PLA2G4A: variants seen among roughly 807,000 people sequenced by gnomAD.
The protein encoded by PLA2G4A is cytosolic phospholipase A2.
PLA2G4A carries 40 observed loss-of-function variants against 81.9 expected under a neutral mutation model. The ratio of observed to expected loss-of-function variants is 0.49; its 90% CI spans 0.38 to 0.64. The LOEUF (loss-of-function observed/expected upper bound fraction) is 0.64. Ranked by LOEUF, PLA2G4A falls within the 30% of genes least tolerant of loss-of-function variation. The pLI is 0.00. For synonymous variants in PLA2G4A, 302 were observed against 296.9 expected (o/e 1.02, Z -0.18); for missense variants, 715 against 905.1 (o/e 0.79, Z 2.69).
chr1:186,906,827 C>G, intron 5 of PLA2G4A, 138 bp from the exon 6 acceptor site: 1 of 584,904 alleles, frequency 1.7e-6, no homozygotes, highest in Non-Finnish European at 3.1e-6. Context: ...CTTCATGGAG[C>G]TGTGTTACTT....
At chr1:186,959,070 T>A (rs1290252688) in intron 14 of PLA2G4A, among the ~76,000 whole-genome samples, 1 of 152,160 alleles carries the variant, frequency 6.6e-6, no homozygotes, top group Non-Finnish European at 1.5e-5. Context: ...TTAGAAAGTT[T>A]CAGTGAGAAA....
chr1:186,853,644 G>T (rs1041786990), intron 1 of PLA2G4A, among the ~76,000 whole-genome samples: 9 of 151,834 alleles, frequency 5.9e-5, no homozygotes, highest in African/African-American at 2.2e-4. Context: ...GAATAGCAAA[G>T]ATGTTCATTC....
intron 7 of PLA2G4A, among the ~76,000 whole-genome samples, chr1:186,928,025 G>C (rs1655611922): frequency 1.3e-5 from 2 of 152,164 alleles, no homozygotes; most frequent in Admixed American, 1.3e-4. Context: ...AACATGAACT[G>C]AGCAGGCCTG....
chr1:186,982,798 G>T (rs1460408897), intron 17 of PLA2G4A, among the ~76,000 whole-genome samples: 1 of 152,026 alleles, frequency 6.6e-6, no homozygotes, highest in Non-Finnish European at 1.5e-5. Flanking sequence ...CATTTTTGGG[G>T]CCGGGCGCCG....
chr1:186,952,653 T>A (rs1167955876), intron 13 of PLA2G4A, among the ~76,000 whole-genome samples: 1 of 152,192 alleles, frequency 6.6e-6, no homozygotes, highest in African/African-American at 2.4e-5. Flanking sequence ...CATATATTCA[T>A]CATTATACAT....
intron 13 of PLA2G4A, among the ~76,000 whole-genome samples, chr1:186,954,415 A>AACATC (rs1232402539): frequency 6.6e-6 from 1 of 152,094 alleles, no homozygotes; most frequent in Non-Finnish European, 1.5e-5. Flanking sequence ...CCGGGTGGGG[A>AACATC]ACATCACACA....
chr1:186,883,664 A>G (rs1653824153), intron 3 of PLA2G4A, among the ~76,000 whole-genome samples: 1 of 152,174 alleles, frequency 6.6e-6, no homozygotes, highest in African/African-American at 2.4e-5. Flanking sequence ...CTGGTGAAAG[A>G]TATAGAGGAA....
At chr1:186,849,259 G>T (rs1273387949) in intron 1 of PLA2G4A, among the ~76,000 whole-genome samples, 1 of 152,038 alleles carries the variant, frequency 6.6e-6, no homozygotes, top group Non-Finnish European at 1.5e-5. Flanking sequence ...CACTAGGGAT[G>T]TCTCTATTAA....
chr1:186,960,813 T>C (rs989760242), intron 14 of PLA2G4A, among the ~76,000 whole-genome samples: 2 of 152,228 alleles, frequency 1.3e-5, no homozygotes, highest in African/African-American at 4.8e-5. Context: ...AGCATTTTCA[T>C]ATAAAGTGCT....
chr1:186,949,378 AG>A (rs1571432794), intron 12 of PLA2G4A, among the ~76,000 whole-genome samples: 2 of 12,122 alleles, frequency 1.6e-4, no homozygotes, highest in South Asian at 4.5e-3. Context: ...AAGAAAAGAA[AG>A]AAAGAAAGAA....
chr1:186,929,240 A>C (rs766204759), intron 7 of PLA2G4A, among the ~76,000 whole-genome samples: 3 of 152,212 alleles, frequency 2.0e-5, no homozygotes, highest in Non-Finnish European at 4.4e-5. Flanking sequence ...CTTATTAGCT[A>C]TCTATCTATG....
chr1:186,921,391 G>A lies in PLA2G4A; in HGVS notation c.558+10002G>A, dbSNP rs571308588. Among the ~76,000 whole-genome samples, 208 of 152,292 alleles carry A rather than the reference G, an allele frequency of 1.4e-3. 1 individual carries two copies. Among genetic ancestry groups the A allele is most frequent in the Non-Finnish European group, 2.1e-3 (144 of 68,020 alleles). ...TTGGAGCAAGTCAATTAAAGCTTGA[G>A]GCTTTTCAGTGTAAGATGGAGTATT... On this transcript the variant is annotated intron_variant, in intron 7 of 17. Transcript: ENST00000367466.
chr1:186,892,977 C>A (rs1654199675), intron 3 of PLA2G4A, 34 bp from the exon 4 acceptor site: 1 of 1,540,292 alleles, frequency 6.5e-7, no homozygotes, highest in Non-Finnish European at 9.0e-7. Context: ...AATCACATTT[C>A]TACCTCCTTC....
intron 15 of PLA2G4A, among the ~76,000 whole-genome samples, chr1:186,969,312 A>T (rs1376860563): frequency 3.3e-5 from 5 of 151,736 alleles, no homozygotes; most frequent in African/African-American, 1.2e-4. Flanking sequence ...TTTATGGGGT[A>T]CATGTCAAAT....
chr1:186,834,923 C>CA (rs1216000317), intron 1 of PLA2G4A, among the ~76,000 whole-genome samples: 3 of 151,984 alleles, frequency 2.0e-5, no homozygotes, highest in East Asian at 1.9e-4. Flanking sequence ...ATCATTTGGA[C>CA]AAAATAATTA....
chr1:186,955,768 T>C (rs1289789201), intron 13 of PLA2G4A, among the ~76,000 whole-genome samples: 1 of 144,782 alleles, frequency 6.9e-6, no homozygotes, highest in African/African-American at 2.6e-5. Flanking sequence ...AGAGTCTTGC[T>C]CTGTCGTCAG....
chr1:186,833,663 T>C (rs1054760569), intron 1 of PLA2G4A, among the ~76,000 whole-genome samples: 1 of 152,204 alleles, frequency 6.6e-6, no homozygotes, highest in Non-Finnish European at 1.5e-5. Flanking sequence ...TGCTATGTGA[T>C]TCTAAGTTTT....
intron 10 of PLA2G4A, among the ~76,000 whole-genome samples, 182 bp from the exon 11 acceptor site, chr1:186,946,455 T>TC (rs1439812876): frequency 6.6e-6 from 1 of 151,226 alleles, no homozygotes; most frequent in Non-Finnish European, 1.5e-5. Flanking sequence ...CTCTAAGCGT[T>TC]TTTCCCCCAA....
chr1:186,861,928 C>T lies in PLA2G4A; in HGVS notation c.33+7541C>T, dbSNP rs144934301. On this transcript the variant is annotated intron_variant, in intron 2 of 17. Transcript: ENST00000367466. Reference sequence around the variant, plus strand: ...GAGTAAGAAAACCTCATTTTACCCACGATATCATTTTATTTAGTGTATAAT... The same window carrying T: ...GAGTAAGAAAACCTCATTTTACCCATGATATCATTTTATTTAGTGTATAAT... 3.1e-3 allele frequency among the ~76,000 whole-genome samples: 466 copies of T among 150,912 alleles called. 2 individuals carry two copies. Among genetic ancestry groups the T allele is most frequent in the African/African-American group, 0.01 (420 of 41,196 alleles).
Sources: gnomAD v4.1 joint callset for allele counts (sites outside exome capture counted in the v4.1 genomes callset) on GRCh38, gnomAD v4.1.1 for gene constraint, MANE v1.5 for transcripts, NCBI Gene and HGNC (gene_info 2026-07-23, HGNC 2026-07-21) for gene names.